NUFIP1: variants seen among roughly 807,000 people sequenced by gnomAD.
NUFIP1 encodes the protein FMR1-interacting protein NUFIP1.
In NUFIP1, 38 loss-of-function variants were observed where a neutral mutation model predicts 56.2. The ratio of observed to expected loss-of-function variants is 0.68; its 90% CI spans 0.52 to 0.89. The LOEUF (loss-of-function observed/expected upper bound fraction) is 0.89. NUFIP1 is among the 40% of genes least tolerant of loss of function. The probability of loss-of-function intolerance (pLI) is 0.00; values close to 1 mark genes in which losing one functional copy is unlikely to be tolerated. For synonymous variants in NUFIP1, 215 were observed against 212.4 expected (o/e 1.01, Z -0.10); for missense variants, 567 against 605.8 (o/e 0.94, Z 0.67).
At chr13:44,969,174 C>T (rs189736021) in intron 5 of NUFIP1, among the ~76,000 whole-genome samples, 38 of 152,176 alleles carry the variant, frequency 2.5e-4, no homozygotes, top group Middle Eastern at 3.4e-3. Context: ...AAATTTATTA[C>T]ATTCTTATTT....
At chr13:44,977,508 G>C (rs1872022252) in intron 5 of NUFIP1, among the ~76,000 whole-genome samples, 1 of 152,180 alleles carries the variant, frequency 6.6e-6, no homozygotes, top group Non-Finnish European at 1.5e-5. Flanking sequence ...TTTTGTTACA[G>C]ACTGGCACTC....
chr13:44,941,152 C>T lies in NUFIP1; in HGVS notation c.*54G>A, dbSNP rs749616427. The T allele has an allele frequency of 1.7e-5, 15 of 896,096 alleles. No homozygotes were observed. The East Asian group carries it at 3.3e-4, about 20-fold the overall frequency. The allele number at this position is 896,096 out of a possible 1,614,324, so 55.5% of individuals were successfully genotyped here. ...AAGGGTTTTGGTTTTCCTCTACTAACGAGGATGATACTGTTTCACATGCTT... is the reference window on the plus strand; with the variant it reads ...AAGGGTTTTGGTTTTCCTCTACTAATGAGGATGATACTGTTTCACATGCTT... On this transcript the variant is annotated 3_prime_UTR_variant, in exon 10 of 10. Transcript: ENST00000379161.
chr13:44,945,388 G>A (rs895441623), intron 8 of NUFIP1, among the ~76,000 whole-genome samples: 4 of 151,822 alleles, frequency 2.6e-5, no homozygotes, highest in African/African-American at 9.7e-5. Flanking sequence ...AAAACAAAAT[G>A]CCAGGTTCAG....
At chr13:44,954,192 A>G (rs1391672178) in intron 7 of NUFIP1, among the ~76,000 whole-genome samples, 1 of 152,230 alleles carries the variant, frequency 6.6e-6, no homozygotes, top group African/African-American at 2.4e-5. Flanking sequence ...AAATACCAGC[A>G]TAGAGATAGC....
intron 2 of NUFIP1, among the ~76,000 whole-genome samples, chr13:44,981,608 C>T (rs891967312): frequency 2.0e-5 from 3 of 152,114 alleles, no homozygotes; most frequent in South Asian, 4.2e-4. Context: ...GTCAGGAGTT[C>T]GAGACCAGCC....
intron 5 of NUFIP1, among the ~76,000 whole-genome samples, chr13:44,968,799 T>C (rs1251014537): frequency 6.6e-6 from 1 of 152,220 alleles, no homozygotes; most frequent in African/African-American, 2.4e-5. Context: ...GTGTACTACG[T>C]ACCAGAGAGC....
chr13:44,966,671 G>A (rs1037877057), intron 5 of NUFIP1, among the ~76,000 whole-genome samples: 8 of 152,002 alleles, frequency 5.3e-5, no homozygotes, highest in East Asian at 1.9e-4. Flanking sequence ...TTACCAAGAC[G>A]AGGAGGAGAC....
In NUFIP1 at chr13:44,941,334, T is replaced by C. The variant is rs1446248196; in HGVS notation, c.1372-12A>G. 1 of 1,532,448 alleles carries C rather than the reference T, an allele frequency of 6.5e-7. No homozygotes were observed. The highest frequency in any genetic ancestry group is 8.9e-7 in the Non-Finnish European group (1 of 1,118,330). 94.9% of individuals were successfully genotyped at this position (1,532,448 alleles called of 1,614,324 possible). On this transcript the variant is annotated splice_polypyrimidine_tract_variant and intron_variant, in intron 9 of 9. Coordinates refer to ENST00000379161, the MANE Select transcript of NUFIP1 (RefSeq NM_012345.3). ...TCCGGAGCTAGAAGCTAAAACACAA[T>C]TTAAAAAAAGATGAGGTAGTAAATA...
Position 44,989,433 on chromosome 13 carries a change from C to T in NUFIP1, c.4G>A (p.Ala2Thr), listed in dbSNP as rs1236111442. The change falls in exon 1 of 10, where the codon GCT (alanine) becomes ACT (threonine). Residue 2 changes from alanine to threonine, a missense_variant. Ala to Thr is a moderately conservative substitution (Grantham distance 58, BLOSUM62 0). Coordinates refer to ENST00000379161, the MANE Select transcript of NUFIP1 (RefSeq NM_012345.3). Reference protein sequence around the residue: MAEPTSDFETPI... With the variant: MTEPTSDFETPI... ...GTCTCGAAATCACTAGTCGGCTCAG[C>T]CATACCACTGGCGGGTCCGGAGTCT... 2 of 1,613,206 alleles carry T rather than the reference C, an allele frequency of 1.2e-6. No homozygotes were observed. The highest frequency in any genetic ancestry group is 1.7e-6 in the Non-Finnish European group (2 of 1,179,640).
chr13:44,952,821 T>C (rs1415534147), intron 7 of NUFIP1, among the ~76,000 whole-genome samples: 1 of 152,254 alleles, frequency 6.6e-6, no homozygotes, highest in Non-Finnish European at 1.5e-5. Flanking sequence ...CTATACTACA[T>C]TGCATTCGGT....
intron 1 of NUFIP1, among the ~76,000 whole-genome samples, 189 bp from the exon 2 acceptor site, chr13:44,982,343 C>G (rs932147772): frequency 2.0e-5 from 3 of 152,022 alleles, no homozygotes; most frequent in East Asian, 1.9e-4. Context: ...ATTTTTCAAA[C>G]AAAGAAAGAC....
Position 44,980,828 on chromosome 13 carries a change from C to A in NUFIP1, c.496-8G>T. 6.4e-7 allele frequency: 1 copy of A among 1,566,296 alleles called. No homozygotes were observed. The highest frequency in any genetic ancestry group is 8.7e-7 in the Non-Finnish European group (1 of 1,155,556). On this transcript the variant is annotated splice_region_variant and splice_polypyrimidine_tract_variant and intron_variant, in intron 2 of 9. Coordinates refer to ENST00000379161, the MANE Select transcript of NUFIP1 (RefSeq NM_012345.3). ...AACTGGTTCCTTTCTTTTCTGCAAA[C>A]AAAAACAGAGAGGAATTAGGCTTTT...
intron 9 of NUFIP1, 91 bp downstream of exon 9, chr13:44,943,351 A>AAC (rs36045762): frequency 0.093 from 85,485 of 920,816 alleles, 2,922 homozygotes; most frequent in African/African-American, 0.3. Flanking sequence ...CCTTAAAACA[A>AAC]ACACACACAC....
intron 5 of NUFIP1, among the ~76,000 whole-genome samples, chr13:44,970,732 T>A (rs984801112): frequency 6.6e-6 from 1 of 152,196 alleles, no homozygotes; most frequent in Non-Finnish European, 1.5e-5. Flanking sequence ...TGGAGTACAG[T>A]GGCACGACCT....
At chr13:44,972,585 T>C (rs1358348301) in intron 5 of NUFIP1, among the ~76,000 whole-genome samples, 1 of 152,210 alleles carries the variant, frequency 6.6e-6, no homozygotes, top group Admixed American at 6.5e-5. Flanking sequence ...TATATGACAG[T>C]ATATATTTGT....
chr13:44,959,666 C>A, intron 6 of NUFIP1, 92 bp from the exon 7 acceptor site: 2 of 978,662 alleles, frequency 2.0e-6, no homozygotes, highest in Non-Finnish European at 3.1e-6. Context: ...AGAAACCTAG[C>A]TGTAAAACTG....
Position 44,989,176 on chromosome 13 carries a change from G to A in NUFIP1, c.261C>T (p.Pro87=). The A allele has an allele frequency of 5.6e-6, 9 of 1,612,824 alleles. No homozygotes were observed. Among genetic ancestry groups the A allele is most frequent in the Non-Finnish European group, 7.6e-6 (9 of 1,179,422 alleles). The change falls in exon 1 of 10, where the codon CCC becomes CCT. Residue 87 remains proline (P), a synonymous_variant. Coordinates refer to ENST00000379161, the MANE Select transcript of NUFIP1 (RefSeq NM_012345.3). ...GGGCGTCGAAGGGGGGTTGCGCCCC[G>A]GGAAGAATCTGGGCGTCGAAGGGGG... ...APPPFDAQIL[P]GAQPPFDAQS... is the part of the protein sequence containing the mutation.
chr13:44,942,205 C>T (rs116566959), intron 9 of NUFIP1, among the ~76,000 whole-genome samples: 334 of 152,338 alleles, frequency 2.2e-3, no homozygotes, highest in African/African-American at 7.8e-3. Context: ...AAACTTCCAA[C>T]ATTCCTTGAC....
rs1365771055 is a variant in NUFIP1 at position 44,989,358 on chromosome 13, G to C, written c.79C>G (p.Leu27Val). 1.2e-6 allele frequency: 2 copies of C among 1,613,300 alleles called. No individual in the cohort carries two copies. Among genetic ancestry groups the C allele is most frequent in the South Asian group, 2.2e-5 (2 of 90,938 alleles). The change falls in exon 1 of 10, where the codon CTG becomes GTG. Residue 27 changes from leucine to valine, a missense_variant. Transcript: ENST00000379161. ...SPELTPTLGPLSDTAPPRDSW... is the reference protein window; with the variant it reads ...SPELTPTLGPVSDTAPPRDSW... ...TCCCGCGGCGGGGCAGTGTCGCTCA[G>C]GGGCCCTAACGTGGGAGTCAGCTCG...
Sources: gnomAD v4.1 joint callset for allele counts (sites outside exome capture counted in the v4.1 genomes callset) on GRCh38, gnomAD v4.1.1 for gene constraint, MANE v1.5 for transcripts, NCBI Gene and HGNC (gene_info 2026-07-23, HGNC 2026-07-21) for gene names.